Variants in VPS26C observed in about 807,000 individuals in gnomAD.
The protein encoded by VPS26C is VPS26 endosomal protein sorting factor C.
In VPS26C, 19 loss-of-function variants were observed where a neutral mutation model predicts 30.6. The observed-to-expected ratio is 0.62, with a 90% CI of 0.43 to 0.91. The LOEUF is 0.91. Among genes scored for constraint, VPS26C ranks in the 40% least tolerant of loss-of-function variants. The pLI, the probability that VPS26C is intolerant of heterozygous loss-of-function variation, is 0.00. For synonymous variants in VPS26C, 132 were observed against 151.5 expected, an observed-to-expected ratio of 0.87 and a Z score of 0.95; for missense variants, 318 against 385.1, an observed-to-expected ratio of 0.83 and a Z score of 1.46.
At position 37,257,349 on chromosome 21, in the gene VPS26C, G is replaced by A. The variant is rs999014495; in HGVS notation, c.57+9889C>T. Among the ~76,000 whole-genome samples, 2 of 151,962 alleles carry A rather than the reference G, an allele frequency of 1.3e-5. No homozygotes were observed. Among genetic ancestry groups the A allele is most frequent in the African/African-American group, 4.8e-5 (2 of 41,362 alleles). On this transcript the variant is annotated intron_variant, in intron 1 of 7. Transcript: ENST00000309117. This position sits in a 1 kb window ranked among gnomAD's most constrained non-coding sequence, Gnocchi z 4.2. The stretch of plus-strand genomic sequence containing the variant: ...GAGGCCGTAGCGGCTTCTCGTGGGC[G>A]AGTCCCTGTTCGCAGGTGACGTGTG...
intron 1 of VPS26C, 67 bp downstream of exon 1, chr21:37,267,171 A>G: frequency 7.4e-7 from 1 of 1,345,966 alleles, no homozygotes; most frequent in African/African-American, 1.5e-5. Context: ...GCGCAGAGCG[A>G]TGGAGACAGC....
chr21:37,248,005 T>C (rs1370453913), intron 1 of VPS26C, among the ~76,000 whole-genome samples: 2 of 151,886 alleles, frequency 1.3e-5, no homozygotes, highest in Non-Finnish European at 2.9e-5. Context: ...ACCCTGTCTC[T>C]AAAAAAAGAA....
At chr21:37,251,665 A>G (rs1041203004) in intron 1 of VPS26C, among the ~76,000 whole-genome samples, 1 of 152,172 alleles carries the variant, frequency 6.6e-6, no homozygotes, top group Non-Finnish European at 1.5e-5. Flanking sequence ...ATCGATCTTG[A>G]AATTCATGAA....
At position 37,249,183 on chromosome 21, in the gene VPS26C, CA is replaced by C. The variant is rs1161526288; in HGVS notation, c.58-8545del. Among the ~76,000 whole-genome samples the C allele has an allele frequency of 1.3e-5, 2 of 152,168 alleles. 1 individual carries two copies. The highest frequency in any genetic ancestry group is 6.3e-3 in the Middle Eastern group (2 of 316). On this transcript the variant is annotated intron_variant, in intron 1 of 7. Transcript: ENST00000309117. ...GGAATAAAAGAAGGATGTCCACTATCACCACAATTAACGTTCTGCAAGTACT... is the reference window on the plus strand; with the variant it reads ...GGAATAAAAGAAGGATGTCCACTATCCCACAATTAACGTTCTGCAAGTACT...
Position 37,225,479 on chromosome 21 carries a change from G to C in VPS26C, c.*65C>G, listed in dbSNP as rs1202589728. ...ATGCCGCTGGCTGTAGCTCCCCTTA[G>C]GATTTGGATAACCAGCTGGATTTCC... is the stretch of plus-strand genomic sequence containing the variant. On this transcript the variant is annotated 3_prime_UTR_variant, in exon 8 of 8. Coordinates refer to ENST00000309117, the MANE Select transcript of VPS26C (RefSeq NM_006052.2). The C allele has an allele frequency of 9.9e-6, 14 of 1,412,180 alleles. No individual in the cohort carries two copies. The highest frequency in any genetic ancestry group is 1.4e-5 in the Non-Finnish European group (14 of 996,956). 87.5% of individuals were successfully genotyped at this position (1,412,180 alleles called of 1,614,324 possible).
chr21:37,230,321 C>T (rs530503664), intron 5 of VPS26C, among the ~76,000 whole-genome samples: 1 of 152,354 alleles, frequency 6.6e-6, no homozygotes, highest in African/African-American at 2.4e-5. Context: ...TTTTCCCTCT[C>T]CTCCCACTGA....
chr21:37,255,233 C>T (rs2086230759), intron 1 of VPS26C, among the ~76,000 whole-genome samples: 1 of 152,068 alleles, frequency 6.6e-6, no homozygotes. Flanking sequence ...CCTAATTTTC[C>T]ATTGACAGGA....
intron 1 of VPS26C, among the ~76,000 whole-genome samples, chr21:37,253,724 A>G (rs983019203): frequency 2.6e-5 from 4 of 152,200 alleles, no homozygotes; most frequent in Admixed American, 2.6e-4. Context: ...TTTCAATAGG[A>G]TGGAGCATCC....
At chr21:37,261,706 T>C (rs2086305995) in intron 1 of VPS26C, 1 of 151,280 alleles carries the variant, frequency 6.6e-6, no homozygotes, top group Non-Finnish European at 1.5e-5. Flanking sequence ...TGATAGAAAA[T>C]ACTACCAATC....
intron 1 of VPS26C, among the ~76,000 whole-genome samples, chr21:37,260,043 A>C (rs1371508934): frequency 6.6e-6 from 1 of 152,216 alleles, no homozygotes. Context: ...CATTCTACAG[A>C]TGAGAATTAA....
In VPS26C at chr21:37,225,340, A is replaced by C; in HGVS notation, c.*204T>G. 1 of 568,940 alleles carries C rather than the reference A, an allele frequency of 1.8e-6. No individual in the cohort carries two copies. The highest frequency in any genetic ancestry group is 2.8e-5 in the East Asian group (1 of 35,852). The allele number at this position is 568,940 out of a possible 1,614,324, so 35.2% of individuals were successfully genotyped here. On this transcript the variant is annotated 3_prime_UTR_variant, in exon 8 of 8. Transcript: ENST00000309117. Reference sequence around the variant, plus strand: ...TAAGAAATCTTGTTGAATTTCAAAGAAAAGGTCTGATTAGAGGTGCCTGTT... The same window carrying C: ...TAAGAAATCTTGTTGAATTTCAAAGCAAAGGTCTGATTAGAGGTGCCTGTT...
chr21:37,259,962 G>A (rs1454761500), intron 1 of VPS26C, among the ~76,000 whole-genome samples: 1 of 152,190 alleles, frequency 6.6e-6, no homozygotes, highest in Non-Finnish European at 1.5e-5. Flanking sequence ...GGTGTTGGAA[G>A]CTAGGATAAG....
chr21:37,250,304 TAA>T (rs879721399), intron 1 of VPS26C, among the ~76,000 whole-genome samples: 2 of 141,956 alleles, frequency 1.4e-5, no homozygotes, highest in Admixed American at 7.0e-5. Flanking sequence ...GACTCTCTCT[TAA>T]AAAAAAAAAA....
At chr21:37,231,127 C>T (rs2085958178) in intron 5 of VPS26C, among the ~76,000 whole-genome samples, 1 of 152,188 alleles carries the variant, frequency 6.6e-6, no homozygotes, top group Admixed American at 6.5e-5. Flanking sequence ...CTCTACAACA[C>T]CACCACACAC....
rs2085899891 is a variant in VPS26C, at chr21:37,226,392, G to A, written c.812-766C>T. 1 of 152,368 alleles carries A rather than the reference G, an allele frequency of 6.6e-6. No individual in the cohort carries two copies. Among genetic ancestry groups the A allele is most frequent in the East Asian group, 1.9e-4 (1 of 5,200 alleles). The allele number at this position is 152,368 out of a possible 1,614,324, so 9.4% of individuals were successfully genotyped here. ...GGTCTGCAGGACAACATCCCCGTGT[G>A]GGAGTGTCCACCTCCGCCCAAACAT... On this transcript the variant is annotated intron_variant, in intron 7 of 7. Transcript: ENST00000309117. This position sits in a 1 kb window ranked among gnomAD's most constrained non-coding sequence, Gnocchi z 4.1.
Position 37,267,261 on chromosome 21 carries a change from C to T in VPS26C, c.34G>A (p.Ala12Thr), listed in dbSNP as rs866113570. The T allele has an allele frequency of 6.9e-7, 1 of 1,447,482 alleles. No homozygotes were observed. The highest frequency in any genetic ancestry group is 1.9e-4 in the Middle Eastern group (1 of 5,210). The allele number at this position is 1,447,482 out of a possible 1,614,324, so 89.7% of individuals were successfully genotyped here. A position where few individuals can be genotyped will look rare whatever the true frequency, so the allele number is the denominator to read the frequency against. The change falls in exon 1 of 8, where the codon GCG (alanine) becomes ACG (threonine). Residue 12 changes from alanine to threonine, a missense_variant. Coordinates refer to ENST00000309117, the MANE Select transcript of VPS26C (RefSeq NM_006052.2). ...ACCCCGGCGTGATAAACTTTATTCG[C>T]TCTTTTAATCTTGATGTCCAGGGCG... ...GTALDIKIKR[A>T]NKVYHAGEVL...
chr21:37,228,553 A>T, intron 5 of VPS26C, 180 bp from the exon 6 acceptor site: 1 of 602,356 alleles, frequency 1.7e-6, no homozygotes, highest in Non-Finnish European at 2.9e-6. Flanking sequence ...AGCCGGCTGA[A>T]TTATTCAACG....
intron 4 of VPS26C, 110 bp from the exon 5 acceptor site, chr21:37,232,561 G>T: frequency 2.2e-6 from 2 of 916,286 alleles, no homozygotes; most frequent in African/African-American, 1.6e-5. Flanking sequence ...GATGCAGGAA[G>T]GACGGGGAAC....
intron 3 of VPS26C, among the ~76,000 whole-genome samples, chr21:37,234,834 A>AAT (rs1491098569): frequency 6.6e-6 from 1 of 151,892 alleles, no homozygotes; most frequent in Non-Finnish European, 1.5e-5. Flanking sequence ...ATATATATAC[A>AAT]ATATATATAT....
Sources: gnomAD v4.1 joint callset for allele counts (sites outside exome capture counted in the v4.1 genomes callset) on GRCh38, gnomAD v4.1.1 for gene constraint, Gnocchi (gnomAD v3.1) non-coding constraint, MANE v1.5 for transcripts, NCBI Gene and HGNC (gene_info 2026-07-23, HGNC 2026-07-21) for gene names.